RNF32: variants seen among roughly 807,000 people sequenced by gnomAD.
RNF32 encodes the protein ring finger protein 32.
RNF32 carries 36 observed loss-of-function variants against 41.0 expected under a neutral mutation model. That is an observed-to-expected ratio of 0.88 (90% CI 0.67 to 1.16). The LOEUF (loss-of-function observed/expected upper bound fraction) is 1.16. Among genes scored for constraint, RNF32 ranks in the 50% most tolerant of loss-of-function variants. RNF32 has a pLI of 0.00. For missense variants in RNF32, 413 were observed against 436.7 expected, an observed-to-expected ratio of 0.95 and a Z score of 0.48; for synonymous variants, 154 against 160.9, an observed-to-expected ratio of 0.96 and a Z score of 0.32.
chr7:156,676,331 G>C, intron 8 of RNF32, 88 bp from the exon 9 acceptor site: 1 of 1,612,984 alleles, frequency 6.2e-7, no homozygotes, highest in South Asian at 1.1e-5. Flanking sequence ...CCCATGTCTC[G>C]GGGCACATGG....
At chr7:156,661,271 T>A (rs911940311) in intron 7 of RNF32, among the ~76,000 whole-genome samples, 2 of 151,442 alleles carry the variant, frequency 1.3e-5, no homozygotes, top group Non-Finnish European at 2.9e-5. Flanking sequence ...AAGGTTTTCC[T>A]AGGGCCCCCT....
intron 7 of RNF32, among the ~76,000 whole-genome samples, chr7:156,661,302 C>T (rs146248494): frequency 6.7e-6 from 1 of 149,820 alleles, no homozygotes; most frequent in African/African-American, 2.5e-5. Context: ...GGGGTTCGTT[C>T]TGTTGCTGGG....
chr7:156,651,306 C>T (rs758250838), intron 3 of RNF32, among the ~76,000 whole-genome samples: 5 of 151,790 alleles, frequency 3.3e-5, no homozygotes, highest in East Asian at 1.9e-4. Context: ...CTCCACCTCC[C>T]GGGTTCAAGC....
intron 4 of RNF32, chr7:156,657,325 GTTTAT>G: frequency 1.8e-6 from 1 of 570,832 alleles, no homozygotes; most frequent in Non-Finnish European, 3.1e-6. Flanking sequence ...AACTTCATGT[GTTTAT>G]TTGATATTTC....
rs1278213697 is a variant in RNF32, at chr7:156,669,950, A to T, written c.685-5746A>T. Among the ~76,000 whole-genome samples the T allele has an allele frequency of 4.6e-5, 7 of 152,238 alleles. No homozygotes were observed. The highest frequency in any genetic ancestry group is 1.7e-4 in the African/African-American group (7 of 41,468). On this transcript the variant is annotated intron_variant, in intron 7 of 8. Transcript: ENST00000317955. The surrounding 1 kb of genome is among the most constrained non-coding windows in gnomAD (Gnocchi z 4.2). ...ACACAGATCCCTGTTTAAAAGAAAG[A>T]AAACATGGGAAAGTGCCATCCAAGT...
At chr7:156,655,254 C>A (rs1799441074) in intron 4 of RNF32, among the ~76,000 whole-genome samples, 1 of 151,702 alleles carries the variant, frequency 6.6e-6, no homozygotes, top group Non-Finnish European at 1.5e-5. Context: ...CACACACACA[C>A]ACACACACAG....
intron 1 of RNF32, among the ~76,000 whole-genome samples, chr7:156,641,334 G>GCACCCCAGTGATCGTTTTTGC (rs1797280823): frequency 6.6e-6 from 1 of 152,164 alleles, no homozygotes; most frequent in South Asian, 2.1e-4. Context: ...ACTCGCTTTG[G>GCACCCCAGTGATCGTTTTTGC]CACCCCAGTG....
chr7:156,660,142 G>C (rs1056921607), intron 7 of RNF32: 3 of 985,516 alleles, frequency 3.0e-6, no homozygotes, highest in African/African-American at 1.7e-5. Context: ...TCTGATCCCC[G>C]TGTCTGCTTT....
chr7:156,644,216 A>G (rs969304787), intron 2 of RNF32, among the ~76,000 whole-genome samples: 2 of 152,234 alleles, frequency 1.3e-5, no homozygotes, highest in African/African-American at 4.8e-5. Flanking sequence ...ATTATAGTGA[A>G]GCAGCGTGGG....
At chr7:156,641,753 T>C (rs973450994) in intron 1 of RNF32, among the ~76,000 whole-genome samples, 4 of 152,224 alleles carry the variant, frequency 2.6e-5, no homozygotes, top group Non-Finnish European at 5.9e-5. Flanking sequence ...CTGCAGGTTA[T>C]AGGCATTTTG....
At chr7:156,643,981 C>A in intron 2 of RNF32, 89 bp downstream of exon 2, 2 of 1,180,474 alleles carry the variant, frequency 1.7e-6, no homozygotes, top group Non-Finnish European at 2.5e-6. Context: ...AACTAGTTTG[C>A]AAACCCTGCT....
intron 5 of RNF32, among the ~76,000 whole-genome samples, 168 bp from the exon 6 acceptor site, chr7:156,657,960 G>A (rs1045870545): frequency 2.0e-5 from 3 of 152,190 alleles, no homozygotes; most frequent in African/African-American, 7.2e-5. Context: ...GGTTTTGTGA[G>A]GAAGGTGGTA....
intron 3 of RNF32, among the ~76,000 whole-genome samples, chr7:156,648,435 C>G (rs527686901): frequency 6.6e-6 from 1 of 152,208 alleles, no homozygotes; most frequent in African/African-American, 2.4e-5. Flanking sequence ...TGAAGATCTT[C>G]TGTTGTACCT....
chr7:156,646,123 C>A (rs1261843825), intron 3 of RNF32, among the ~76,000 whole-genome samples: 2 of 152,188 alleles, frequency 1.3e-5, no homozygotes, highest in East Asian at 3.8e-4. Flanking sequence ...CAAATCAATT[C>A]CATTTCTTCT....
chr7:156,641,858 GAACTTATTTCAAA>G (rs139761019), intron 1 of RNF32, among the ~76,000 whole-genome samples: 2,281 of 152,242 alleles, frequency 0.015, 60 homozygotes, highest in African/African-American at 0.052. Flanking sequence ...ATACAGGGTG[GAACTTATTTCAAA>G]CATCTCTTGA....
chr7:156,647,099 G>A (rs371268328), intron 3 of RNF32, among the ~76,000 whole-genome samples: 6 of 152,224 alleles, frequency 3.9e-5, no homozygotes, highest in South Asian at 2.1e-4. Flanking sequence ...TAATCCACCC[G>A]CCTCAGCCTC....
At chr7:156,640,659 A>T (rs1416042474), upstream of RNF32, 3 of 341,574 alleles carry the variant, frequency 8.8e-6, no homozygotes, top group South Asian at 6.3e-5. Flanking sequence ...GAGCATGCGC[A>T]GTATGGGGCG....
At chr7:156,643,942 AT>A in intron 2 of RNF32, 50 bp downstream of exon 2, 1 of 1,502,706 alleles carries the variant, frequency 6.7e-7, no homozygotes, top group Non-Finnish European at 9.3e-7. Flanking sequence ...CATGAAATGT[AT>A]TTTAATTCAG....
intron 7 of RNF32, among the ~76,000 whole-genome samples, chr7:156,665,268 A>G (rs1208002162): frequency 6.6e-6 from 1 of 152,184 alleles, no homozygotes; most frequent in Non-Finnish European, 1.5e-5. Context: ...AATGTAGTGA[A>G]ATTCCAGGCA....
Sources: allele counts gnomAD v4.1 joint callset (sites outside exome capture counted in the v4.1 genomes callset), GRCh38; gene constraint gnomAD v4.1.1; non-coding constraint Gnocchi (gnomAD v3.1); transcripts MANE v1.5; gene names NCBI Gene and HGNC (gene_info 2026-07-23, HGNC 2026-07-21).